Variants in PCDHGB3 observed in about 807,000 individuals in gnomAD.
The protein encoded by PCDHGB3 is protocadherin gamma-B3.
A neutral mutation model predicts 59.2 loss-of-function variants in PCDHGB3; 40 were observed. That is an observed-to-expected ratio of 0.68 (90% confidence interval 0.52 to 0.88). The LOEUF is 0.88. Ranked by LOEUF, PCDHGB3 falls within the 40% of genes least tolerant of loss-of-function variation. PCDHGB3 has a pLI of 0.00. For missense variants in PCDHGB3, 1,309 were observed against 1,187.9 expected (o/e 1.10, Z -1.50); for synonymous variants, 581 against 503.6 (o/e 1.15, Z -2.06).
intron 1 of PCDHGB3, among the ~76,000 whole-genome samples, chr5:141,492,711 C>T (rs927567393): frequency 4.6e-5 from 7 of 152,254 alleles, no homozygotes; most frequent in East Asian, 3.8e-4. Flanking sequence ...AAGCCTCGAG[C>T]AGGCGGACAG....
At position 141,487,198 on chromosome 5, in the gene PCDHGB3, T is replaced by A; in HGVS notation, c.2416-7609T>A. The A allele has an allele frequency of 1.2e-6, 2 of 1,613,854 alleles. No individual in the cohort carries two copies. The highest frequency in any genetic ancestry group is 1.7e-6 in the Non-Finnish European group (2 of 1,179,722). ...AAGACACTCATCCAGTTGTCCCAGATCTTCGAGAATCTTCAGCTCCAAGGG... is the reference window on the plus strand; with the variant it reads ...AAGACACTCATCCAGTTGTCCCAGAACTTCGAGAATCTTCAGCTCCAAGGG... On this transcript the variant is annotated intron_variant, in intron 1 of 3. Transcript: ENST00000576222. The surrounding 1 kb of genome is among the most constrained non-coding windows in gnomAD (Gnocchi z 5.0).
rs1228384684 is a variant in PCDHGB3 at position 141,432,189 on chromosome 5, A to G, written c.2415+59380A>G. On this transcript the variant is annotated intron_variant, in intron 1 of 3. Coordinates refer to ENST00000576222, the MANE Select transcript of PCDHGB3 (RefSeq NM_018924.5). This position sits in a 1 kb window ranked among gnomAD's most constrained non-coding sequence, Gnocchi z 6.0. The stretch of plus-strand genomic sequence containing the variant: ...GTTTCCCTCGTCTCTGTGACCGCCC[A>G]CGACCCCGACTGTGAAGAGAACGCC... 6.2e-6 allele frequency: 10 copies of G among 1,613,964 alleles called. No homozygotes were observed. Among genetic ancestry groups the G allele is most frequent in the African/African-American group, 1.3e-5 (1 of 74,878 alleles).
chr5:141,394,361 G>T (rs2092984834), intron 1 of PCDHGB3: 2 of 1,614,190 alleles, frequency 1.2e-6, no homozygotes, highest in Non-Finnish European at 1.7e-6. Context: ...TCCTGTATGC[G>T]CTGCAATCTT....
At chr5:141,380,577 C>T (rs187039576) in intron 1 of PCDHGB3, among the ~76,000 whole-genome samples, 268 of 152,102 alleles carry the variant, frequency 1.8e-3, no homozygotes, top group African/African-American at 5.8e-3. Flanking sequence ...CATATCTTGG[C>T]GGTCTAGTAA....
chr5:141,420,118 T>C (rs2096468123), intron 1 of PCDHGB3: 2 of 1,613,844 alleles, frequency 1.2e-6, no homozygotes, highest in Admixed American at 1.7e-5. Flanking sequence ...ATGCCTATAA[T>C]TTTTGTGTGC....
chr5:141,370,760 G>C lies in PCDHGB3; in HGVS notation c.366G>C (p.Leu122=), dbSNP rs773157241. The C allele has an allele frequency of 1.9e-6, 3 of 1,613,980 alleles. No individual in the cohort carries two copies. The highest frequency in any genetic ancestry group is 8.5e-7 in the Non-Finnish European group (1 of 1,179,890). Residue 122 remains leucine, a synonymous_variant, in exon 1 of 4, where the codon CTG becomes CTC. Coordinates refer to ENST00000576222, the MANE Select transcript of PCDHGB3 (RefSeq NM_018924.5). Reference sequence around the variant, plus strand: ...TAAACTTTTTTCATGTAACTGTGCTGATCCAGGATATTAACGACAACCCAC... The same window carrying C: ...TAAACTTTTTTCATGTAACTGTGCTCATCCAGGATATTAACGACAACCCAC... ...KPLNFFHVTV[L]IQDINDNPPT...
At position 141,389,081 on chromosome 5, in the gene PCDHGB3, G is replaced by A. The variant is rs371979686; in HGVS notation, c.2415+16272G>A. On this transcript the variant is annotated intron_variant, in intron 1 of 3. Transcript: ENST00000576222. Reference sequence around the variant, plus strand: ...AAATATTAACTTCTTCAAGAAACACGTATAAATTAGTGACAGATGCTGTTC... The same window carrying A: ...AAATATTAACTTCTTCAAGAAACACATATAAATTAGTGACAGATGCTGTTC... 1.5e-5 allele frequency: 24 copies of A among 1,613,978 alleles called. No homozygotes were observed. In the South Asian group the frequency reaches 2.0e-4, roughly 13 times the overall value.
At chr5:141,455,013 C>T (rs1468289988) in intron 1 of PCDHGB3, among the ~76,000 whole-genome samples, 2 of 151,130 alleles carry the variant, frequency 1.3e-5, no homozygotes, top group African/African-American at 4.9e-5. Context: ...GGGGTTTCAC[C>T]GTGTTAGCCA....
intron 1 of PCDHGB3, chr5:141,492,046 A>C: frequency 6.1e-6 from 3 of 494,434 alleles, no homozygotes; most frequent in South Asian, 8.1e-5. Flanking sequence ...TCACAGATCC[A>C]CCCCTGCAGC....
At chr5:141,424,717 T>G (rs914445969) in intron 1 of PCDHGB3, 1 of 152,202 alleles carries the variant, frequency 6.6e-6, no homozygotes, top group Non-Finnish European at 1.5e-5. Context: ...TCAGTGTAGT[T>G]GGGAGTCATA....
Position 141,421,312 on chromosome 5 carries a change from G to A in PCDHGB3, c.2415+48503G>A, listed in dbSNP as rs375071225. ...CCTGGGGACGCTGCGGGGGTTCCGGGCCAGGCAGATCCGATATTCGGTGCC... is the reference window on the plus strand; with the variant it reads ...CCTGGGGACGCTGCGGGGGTTCCGGACCAGGCAGATCCGATATTCGGTGCC... On this transcript the variant is annotated intron_variant, in intron 1 of 3. Coordinates refer to ENST00000576222, the MANE Select transcript of PCDHGB3 (RefSeq NM_018924.5). The A allele has an allele frequency of 1.9e-5, 31 of 1,613,630 alleles. No homozygotes were observed. The highest frequency in any genetic ancestry group is 1.4e-5 in the Non-Finnish European group (17 of 1,179,886).
intron 1 of PCDHGB3, among the ~76,000 whole-genome samples, chr5:141,456,105 G>T (rs2098843517): frequency 6.6e-6 from 1 of 151,978 alleles, no homozygotes; most frequent in Non-Finnish European, 1.5e-5. Context: ...CACCGTGTTA[G>T]CCAGGATGGT....
intron 1 of PCDHGB3, among the ~76,000 whole-genome samples, 197 bp from the exon 2 acceptor site, chr5:141,494,610 T>C (rs1428159953): frequency 6.6e-6 from 1 of 152,152 alleles, no homozygotes; most frequent in Non-Finnish European, 1.5e-5. Flanking sequence ...GATTTATCTC[T>C]TGGTTTCTGG....
At chr5:141,410,676 T>G in intron 1 of PCDHGB3, 1 of 1,550,692 alleles carries the variant, frequency 6.4e-7, no homozygotes, top group African/African-American at 1.4e-5. Flanking sequence ...TTTCTCATAT[T>G]TTAGGCATAC....
At chr5:141,458,984 C>T (rs2098958355) in intron 1 of PCDHGB3, among the ~76,000 whole-genome samples, 1 of 152,204 alleles carries the variant, frequency 6.6e-6, no homozygotes, top group Non-Finnish European at 1.5e-5. Context: ...CCTCCTGCCT[C>T]ACCCTCCCAA....
intron 3 of PCDHGB3, among the ~76,000 whole-genome samples, chr5:141,509,335 G>C (rs113423267): frequency 6.6e-6 from 1 of 152,144 alleles, no homozygotes; most frequent in African/African-American, 2.4e-5. Context: ...CTGCCAGCTG[G>C]GCCTGGGCTG....
At chr5:141,384,697 C>A in intron 1 of PCDHGB3, 1 of 1,614,142 alleles carries the variant, frequency 6.2e-7, no homozygotes, top group South Asian at 1.1e-5. Flanking sequence ...AGATTCAGGC[C>A]AGAACGCCTG....
In PCDHGB3 at chr5:141,476,853, A is replaced by G; in HGVS notation, c.2416-17954A>G. ...AATGACAATGCGCCTGTCTTCAACCAGTCCTTGTACCGGGCGCGCGTCCTG... is the reference window on the plus strand; with the variant it reads ...AATGACAATGCGCCTGTCTTCAACCGGTCCTTGTACCGGGCGCGCGTCCTG... On this transcript the variant is annotated intron_variant, in intron 1 of 3. Coordinates refer to ENST00000576222, the MANE Select transcript of PCDHGB3 (RefSeq NM_018924.5). This position sits in a 1 kb window ranked among gnomAD's most constrained non-coding sequence, Gnocchi z 7.6. The G allele has an allele frequency of 6.2e-7, 1 of 1,613,870 alleles. No individual in the cohort carries two copies. Among genetic ancestry groups the G allele is most frequent in the Non-Finnish European group, 8.5e-7 (1 of 1,180,042 alleles).
intron 2 of PCDHGB3, among the ~76,000 whole-genome samples, chr5:141,499,192 C>T (rs1048812227): frequency 1.1e-4 from 17 of 152,106 alleles, no homozygotes; most frequent in South Asian, 2.1e-4. Flanking sequence ...CCATTTCCCC[C>T]TTCTTAGGCT....
Sources: gnomAD v4.1 joint callset for allele counts (sites outside exome capture counted in the v4.1 genomes callset) on GRCh38, gnomAD v4.1.1 for gene constraint, Gnocchi (gnomAD v3.1) non-coding constraint, MANE v1.5 for transcripts, NCBI Gene and HGNC (gene_info 2026-07-23, HGNC 2026-07-21) for gene names.